The following C12orf42 variants were observed in gnomAD, a reference collection of about 807,000 sequenced individuals.
The protein encoded by C12orf42 is uncharacterized protein C12orf42.
A neutral mutation model predicts 21.6 loss-of-function variants in C12orf42; 25 were observed. The observed-to-expected ratio is 1.16, with a 90% CI of 0.84 to 1.62. The LOEUF is 1.62. C12orf42 is among the 40% of genes most tolerant of loss of function. The probability of loss-of-function intolerance (pLI) is 0.00; values close to 1 mark genes in which losing one functional copy is unlikely to be tolerated. For missense variants in C12orf42, 483 were observed against 459.3 expected (o/e 1.05, Z -0.47); for synonymous variants, 174 against 175.0 (o/e 0.99, Z 0.05).
chr12:103,125,755 C>T, the C12orf42 span, among the ~76,000 whole-genome samples: 152 of 152,186 alleles, frequency 1.0e-3, 1 homozygote, highest in African/African-American at 3.5e-3. Context: ...TTTCCTAACT[C>T]CCATTAAAAC....
chr12:103,100,373 G>A, the C12orf42 span, among the ~76,000 whole-genome samples: 1 of 152,228 alleles, frequency 6.6e-6, no homozygotes, highest in Non-Finnish European at 1.5e-5. Context: ...AGGATGGCGG[G>A]CTCCTGCCGA....
At chr12:103,507,278 TATA>T in the C12orf42 span, among the ~76,000 whole-genome samples, 3 of 82,426 alleles carry the variant, frequency 3.6e-5, no homozygotes, top group African/African-American at 1.3e-4. Context: ...ATATATTATA[TATA>T]TTTTTTTTTA....
chr12:103,494,307 C>A (rs1955370100), intron 1 of C12orf42, among the ~76,000 whole-genome samples: 1 of 152,154 alleles, frequency 6.6e-6, no homozygotes, highest in Admixed American at 6.5e-5. Flanking sequence ...GAGAGTGCTC[C>A]ATGCCTTAGA....
chr12:103,259,112 CA>C (rs2034763435), intron 10 of C12orf42, among the ~76,000 whole-genome samples: 1 of 152,144 alleles, frequency 6.6e-6, no homozygotes. Context: ...AACCTAGAAA[CA>C]GAACCACATA....
chr12:103,387,035 C>T (rs1257175699), intron 3 of C12orf42, among the ~76,000 whole-genome samples: 5 of 152,172 alleles, frequency 3.3e-5, no homozygotes, highest in African/African-American at 9.7e-5. Context: ...GATCTGGAAC[C>T]GCTTTGACCA....
At chr12:103,510,637 A>T in the C12orf42 span, among the ~76,000 whole-genome samples, 1 of 152,226 alleles carries the variant, frequency 6.6e-6, no homozygotes, top group Admixed American at 6.5e-5. Flanking sequence ...AGTTCTTTAA[A>T]TTCCCTAAAA....
At chr12:103,318,259 G>C (rs1158654692) in intron 4 of C12orf42, among the ~76,000 whole-genome samples, 6 of 152,022 alleles carry the variant, frequency 3.9e-5, no homozygotes, top group Non-Finnish European at 7.4e-5. Flanking sequence ...ACTCCAGCCT[G>C]GGCAACAGAG....
At chr12:103,401,116 C>G (rs149183079) in intron 3 of C12orf42, among the ~76,000 whole-genome samples, 1 of 152,092 alleles carries the variant, frequency 6.6e-6, no homozygotes, top group African/African-American at 2.4e-5. Context: ...ATATGCACAT[C>G]GTAGGGACAA....
chr12:103,128,419 G>A, the C12orf42 span, among the ~76,000 whole-genome samples: 1 of 152,160 alleles, frequency 6.6e-6, no homozygotes, highest in Non-Finnish European at 1.5e-5. Flanking sequence ...AGCCGAAATG[G>A]CACTGGCTTT....
At chr12:103,262,066 A>G (rs2034925570) in intron 10 of C12orf42, among the ~76,000 whole-genome samples, 1 of 152,202 alleles carries the variant, frequency 6.6e-6, no homozygotes, top group South Asian at 2.1e-4. Context: ...GTTCACAAGA[A>G]TATGTCACGG....
chr12:103,339,963 A>G (rs1231749083), intron 4 of C12orf42, among the ~76,000 whole-genome samples: 1 of 152,242 alleles, frequency 6.6e-6, no homozygotes, highest in Non-Finnish European at 1.5e-5. Context: ...GCTACAAAAA[A>G]AATTAGCGTG....
intron 1 of C12orf42, among the ~76,000 whole-genome samples, chr12:103,483,556 T>C (rs4015525): frequency 0.84 from 127,470 of 152,066 alleles, 53,483 homozygotes; most frequent in Admixed American, 0.89. Flanking sequence ...ACGAAAATTA[T>C]GGTTACGATT....
chr12:103,228,114 G>A, the C12orf42 span, among the ~76,000 whole-genome samples: 23 of 152,260 alleles, frequency 1.5e-4, no homozygotes, highest in South Asian at 4.2e-4. Context: ...TTTCATGTGC[G>A]TCCGTGTGAA....
chr12:103,393,480 A>G (rs577752319), intron 3 of C12orf42, among the ~76,000 whole-genome samples: 1 of 152,274 alleles, frequency 6.6e-6, no homozygotes, highest in South Asian at 2.1e-4. Context: ...ATATCTCAAC[A>G]TGAGATTTGG....
the C12orf42 span, among the ~76,000 whole-genome samples, chr12:103,225,627 T>C: frequency 1.3e-5 from 2 of 152,056 alleles, no homozygotes; most frequent in Non-Finnish European, 1.5e-5. Flanking sequence ...GGGAAGCAGA[T>C]AATTTAGTTA....
At chr12:103,498,910 G>A (rs1054387117), upstream of C12orf42, among the ~76,000 whole-genome samples, 2 of 151,994 alleles carry the variant, frequency 1.3e-5, no homozygotes, top group Non-Finnish European at 2.9e-5. Context: ...AGGAAAAATA[G>A]CTAATGCATG....
chr12:103,418,289 A>G (rs991577853), intron 2 of C12orf42, among the ~76,000 whole-genome samples: 1 of 152,200 alleles, frequency 6.6e-6, no homozygotes, highest in Non-Finnish European at 1.5e-5. Context: ...CATGAAAGCC[A>G]GATACCAGCA....
chr12:103,057,325 AT>A, the C12orf42 span, among the ~76,000 whole-genome samples: 1 of 151,820 alleles, frequency 6.6e-6, no homozygotes, highest in South Asian at 2.1e-4. Context: ...TGCATTAGTT[AT>A]TTGTCCTAAT....
chr12:103,301,024 C>T (rs2037613118), downstream of C12orf42, among the ~76,000 whole-genome samples: 1 of 152,102 alleles, frequency 6.6e-6, no homozygotes, highest in Non-Finnish European at 1.5e-5. Flanking sequence ...AAAAAGTAAA[C>T]AGTCTTCAGT....
Sources: gnomAD v4.1 joint callset for allele counts (sites outside exome capture counted in the v4.1 genomes callset) on GRCh38, gnomAD v4.1.1 for gene constraint, MANE v1.5 for transcripts, NCBI Gene and HGNC (gene_info 2026-07-23, HGNC 2026-07-21) for gene names.